The following ADGRB1 variants were observed in gnomAD, a reference collection of about 807,000 sequenced individuals.
ADGRB1 encodes the protein adhesion G protein-coupled receptor B1.
ADGRB1 carries 36 observed loss-of-function variants against 175.7 expected under a neutral mutation model. The observed-to-expected ratio is 0.20, with a 90% CI of 0.16 to 0.27. The LOEUF (loss-of-function observed/expected upper bound fraction) is 0.27, where lower values mean the gene tolerates loss of function less well. Ranked by LOEUF, ADGRB1 falls within the 10% of genes least tolerant of loss-of-function variation. The pLI is 1.00. For missense variants in ADGRB1, 1,731 were observed against 2,255.3 expected, an observed-to-expected ratio of 0.77 and a Z score of 4.71; for synonymous variants, 1,054 against 979.4, an observed-to-expected ratio of 1.08 and a Z score of -1.42.
At chr8:142,522,154 C>T in intron 21 of ADGRB1, 39 bp downstream of exon 21, 2 of 1,590,788 alleles carry the variant, frequency 1.3e-6, no homozygotes, top group Non-Finnish European at 1.7e-6. Flanking sequence ...GACAGATACC[C>T]TTCCTCCCCC....
At chr8:142,501,079 C>T (rs1244530472) in intron 17 of ADGRB1, among the ~76,000 whole-genome samples, 1 of 152,142 alleles carries the variant, frequency 6.6e-6, no homozygotes, top group Non-Finnish European at 1.5e-5. Context: ...GTTCCAGGGA[C>T]AGTGACGGAG....
chr8:142,534,720 C>G (rs1844827388), intron 25 of ADGRB1, among the ~76,000 whole-genome samples: 1 of 152,142 alleles, frequency 6.6e-6, no homozygotes, highest in Admixed American at 6.5e-5. Flanking sequence ...ACCAGACAAG[C>G]AGGAAAACAG....
intron 1 of ADGRB1, among the ~76,000 whole-genome samples, chr8:142,461,365 G>A (rs938870662): frequency 7.9e-5 from 12 of 152,218 alleles, no homozygotes; most frequent in African/African-American, 2.4e-4. Flanking sequence ...GGACTCTTCC[G>A]TGTTTTCTCA....
intron 27 of ADGRB1, among the ~76,000 whole-genome samples, chr8:142,540,968 G>A (rs1002584417): frequency 6.6e-6 from 1 of 152,050 alleles, no homozygotes. Flanking sequence ...AGGCAGCTTG[G>A]GGGGCATTGG....
At chr8:142,503,172 A>T (rs1050338024) in intron 17 of ADGRB1, among the ~76,000 whole-genome samples, 1 of 151,928 alleles carries the variant, frequency 6.6e-6, no homozygotes, top group African/African-American at 2.4e-5. Flanking sequence ...GAGACCCCCC[A>T]TGACACAGTT....
At chr8:142,459,861 C>T (rs993305776) in intron 1 of ADGRB1, among the ~76,000 whole-genome samples, 1 of 152,208 alleles carries the variant, frequency 6.6e-6, no homozygotes, top group Admixed American at 6.5e-5. Context: ...TTCCTCCTGG[C>T]CCAGACACTA....
At chr8:142,462,088 TGGA>T (rs1393980442) in intron 1 of ADGRB1, among the ~76,000 whole-genome samples, 1 of 152,090 alleles carries the variant, frequency 6.6e-6, no homozygotes, top group East Asian at 1.9e-4. Flanking sequence ...GGGGCAGGAC[TGGA>T]GGAGGGCTTC....
Position 142,522,729 on chromosome 8 carries a change from G to A in ADGRB1, c.3245+19G>A. ...TGAACTAGTGAGTCGGGGCATTGGG[G>A]GTGTGGTGGATGGCCACATGGCCCC... On this transcript the variant is annotated intron_variant, in intron 22 of 30. Coordinates refer to ENST00000517894, the MANE Select transcript of ADGRB1 (RefSeq NM_001702.3). 7 of 1,486,728 alleles carry A rather than the reference G, an allele frequency of 4.7e-6. No homozygotes were observed. Among genetic ancestry groups the A allele is most frequent in the Non-Finnish European group, 6.2e-6 (7 of 1,121,026 alleles). The allele number at this position is 1,486,728 out of a possible 1,614,324, so 92.1% of individuals were successfully genotyped here.
intron 19 of ADGRB1, among the ~76,000 whole-genome samples, chr8:142,520,286 GTGA>G (rs1438500344): frequency 1.4e-4 from 17 of 119,034 alleles, no homozygotes; most frequent in South Asian, 5.6e-4. Context: ...GGTAGTGATT[GTGA>G]TGATGATAGT....
intron 2 of ADGRB1, among the ~76,000 whole-genome samples, chr8:142,470,563 C>T (rs1840607547): frequency 1.3e-5 from 2 of 151,874 alleles, no homozygotes; most frequent in Admixed American, 1.3e-4. Flanking sequence ...GTCCCTGCTT[C>T]CCTGTGTGTG....
At chr8:142,507,100 C>T (rs1842885165) in intron 17 of ADGRB1, among the ~76,000 whole-genome samples, 1 of 152,224 alleles carries the variant, frequency 6.6e-6, no homozygotes, top group South Asian at 2.1e-4. Context: ...CTTCCCTGAG[C>T]CTTGGTTTCT....
intron 25 of ADGRB1, among the ~76,000 whole-genome samples, chr8:142,534,567 C>CA (rs958909905): frequency 6.6e-6 from 1 of 152,214 alleles, no homozygotes; most frequent in Non-Finnish European, 1.5e-5. Flanking sequence ...CGAGGAAAGA[C>CA]AAGAGGAGGA....
intron 18 of ADGRB1, among the ~76,000 whole-genome samples, chr8:142,513,560 G>A (rs1843221351): frequency 6.6e-6 from 1 of 152,204 alleles, no homozygotes; most frequent in South Asian, 2.1e-4. Flanking sequence ...TCTGAGGGCT[G>A]TGGGCTGGGG....
chr8:142,528,934 C>T (rs1363806241), intron 24 of ADGRB1, among the ~76,000 whole-genome samples: 1 of 152,166 alleles, frequency 6.6e-6, no homozygotes, highest in Non-Finnish European at 1.5e-5. Flanking sequence ...AGGGAAGGAG[C>T]GGTGGTCAGT....
chr8:142,509,077 C>T (rs13278404), intron 17 of ADGRB1, among the ~76,000 whole-genome samples: 6 of 152,338 alleles, frequency 3.9e-5, no homozygotes, highest in Admixed American at 3.9e-4. Flanking sequence ...GGCATTCTCA[C>T]GGGTCTCCCC....
intron 17 of ADGRB1, among the ~76,000 whole-genome samples, chr8:142,496,238 T>C (rs1442662044): frequency 1.3e-5 from 2 of 148,168 alleles, no homozygotes; most frequent in Non-Finnish European, 3.0e-5. Context: ...GATGTAGAGA[T>C]GGTAGATGGG....
In ADGRB1 at chr8:142,475,624, A is replaced by G; in HGVS notation, c.935A>G (p.Glu312Gly). ...GAGGAGGGTCGCCAGTGCAACCGCG[A>G]GGCCTGCGGCCGTGAGTGCGGGCGG... The part of the protein sequence containing the change: ...VLEEGRQCNR[E>G]ACGPAGRTSS... The change falls in exon 3 of 31, where the codon GAG becomes GGG. Residue 312 changes from glutamate (E) to glycine (G), a missense_variant. Glu to Gly is a moderately conservative substitution (Grantham distance 98, BLOSUM62 -2). Around this residue, in one of 8 missense-constraint regions of ADGRB1, gnomAD observed 178 missense variants for 227.8 expected, o/e 0.78. Coordinates refer to ENST00000517894, the MANE Select transcript of ADGRB1 (RefSeq NM_001702.3). The G allele has an allele frequency of 8.2e-7, 1 of 1,225,414 alleles. No individual in the cohort carries two copies. Among genetic ancestry groups the G allele is most frequent in the Non-Finnish European group, 1.0e-6 (1 of 984,206 alleles). The allele number at this position is 1,225,414 out of a possible 1,614,324, so 75.9% of individuals were successfully genotyped here.
rs143076769 is a variant in ADGRB1 at position 142,450,940 on chromosome 8, G to T, written c.-220+836G>T. 7.6e-3 allele frequency among the ~76,000 whole-genome samples: 1,156 copies of T among 152,236 alleles called. 3 individuals carry two copies. The highest frequency in any genetic ancestry group is 0.012 in the Non-Finnish European group (837 of 68,004). ...CTCCAAGCGCCGAGCACTCCCGGGC[G>T]CCGAGCACTCCCGGGTCCGCGTCGC... On this transcript the variant is annotated intron_variant, in intron 1 of 30. Transcript: ENST00000517894.
chr8:142,455,390 G>A lies in ADGRB1; in HGVS notation c.-220+5286G>A, dbSNP rs754460177. 6.6e-6 allele frequency among the ~76,000 whole-genome samples: 1 copy of A among 151,908 alleles called. No homozygotes were observed. Among genetic ancestry groups the A allele is most frequent in the East Asian group, 2.0e-4 (1 of 5,128 alleles). ...CCTGCTTGTGGCGTTCTGTTCTCTC[G>A]GGCATCCCTCTCTGGGGCTTGGTCA... is the stretch of plus-strand genomic sequence containing the variant. On this transcript the variant is annotated intron_variant, in intron 1 of 30. Coordinates refer to ENST00000517894, the MANE Select transcript of ADGRB1 (RefSeq NM_001702.3). The surrounding 1 kb of genome is among the most constrained non-coding windows in gnomAD (Gnocchi z 4.9).
Sources: gnomAD v4.1 joint callset for allele counts (sites outside exome capture counted in the v4.1 genomes callset) on GRCh38, gnomAD v4.1.1 for gene constraint, gnomAD v4.1.1 regional missense constraint, Gnocchi (gnomAD v3.1) non-coding constraint, MANE v1.5 for transcripts, NCBI Gene and HGNC (gene_info 2026-07-23, HGNC 2026-07-21) for gene names.